The following AVEN variants were observed in gnomAD, a reference collection of about 807,000 sequenced individuals.
The protein encoded by AVEN is apoptosis and caspase activation inhibitor.
AVEN carries 41 observed loss-of-function variants against 38.1 expected under a neutral mutation model. The ratio of observed to expected loss-of-function variants is 1.08; its 90% CI spans 0.84 to 1.40. The LOEUF (loss-of-function observed/expected upper bound fraction) is 1.40. Ranked by LOEUF, AVEN falls within the 40% of genes most tolerant of loss-of-function variation. The pLI, the probability that AVEN is intolerant of heterozygous loss-of-function variation, is 0.00. For synonymous variants in AVEN, 206 were observed against 171.8 expected, an observed-to-expected ratio of 1.20 and a Z score of -1.56; for missense variants, 605 against 438.8, an observed-to-expected ratio of 1.38 and a Z score of -3.38.
intron 2 of AVEN, among the ~76,000 whole-genome samples, chr15:33,898,188 C>G (rs987869096): frequency 2.0e-5 from 3 of 152,062 alleles, no homozygotes; most frequent in Non-Finnish European, 4.4e-5. Context: ...GACTCCGTCT[C>G]AAAACAAAAC....
chr15:34,063,309 G>A lies in AVEN; in HGVS notation n.1250C>T. On this transcript the variant is annotated non_coding_transcript_exon_variant, in exon 5 of 12. Coordinates refer to the AVEN transcript ENST00000675287. The surrounding 1 kb of genome is among the most constrained non-coding windows in gnomAD (Gnocchi z 4.1). ...TGAGCCCACCATCACTTTTGGCACT[G>A]CCATTGCTGCCTTCTACATCCCTGT... 8.1e-6 allele frequency: 13 copies of A among 1,614,108 alleles called. No individual in the cohort carries two copies. Among genetic ancestry groups the A allele is most frequent in the Non-Finnish European group, 1.1e-5 (13 of 1,180,024 alleles).
At chr15:33,935,350 T>C (rs925762372) in intron 2 of AVEN, among the ~76,000 whole-genome samples, 4 of 152,178 alleles carry the variant, frequency 2.6e-5, no homozygotes, top group African/African-American at 7.2e-5. Context: ...ATTATTGCAA[T>C]AGTCCCAAAC....
intron 2 of AVEN, among the ~76,000 whole-genome samples, chr15:33,943,779 T>C (rs1033638948): frequency 7.8e-6 from 1 of 128,054 alleles, no homozygotes; most frequent in Non-Finnish European, 1.5e-5. Context: ...GACTTAAGAC[T>C]ACTACTGCAC....
chr15:33,963,992 T>C (rs1406423268), intron 2 of AVEN, among the ~76,000 whole-genome samples: 1 of 151,784 alleles, frequency 6.6e-6, no homozygotes, highest in Non-Finnish European at 1.5e-5. Flanking sequence ...ACTCCAGTCA[T>C]TAGGATCTAA....
intron 2 of AVEN, among the ~76,000 whole-genome samples, chr15:33,893,361 G>T (rs979665740): frequency 1.3e-5 from 2 of 152,054 alleles, no homozygotes; most frequent in Non-Finnish European, 2.9e-5. Flanking sequence ...TATCTCCACA[G>T]AAATTTTAAC....
intron 2 of AVEN, among the ~76,000 whole-genome samples, chr15:33,939,738 G>A (rs1894241411): frequency 6.6e-6 from 1 of 152,156 alleles, no homozygotes; most frequent in East Asian, 1.9e-4. Flanking sequence ...GAATGCTTGT[G>A]TTCCCCCAAA....
chr15:34,069,281 A>G (rs948984483), intron 2 of AVEN, among the ~76,000 whole-genome samples: 1 of 151,264 alleles, frequency 6.6e-6, no homozygotes, highest in African/African-American at 2.4e-5. Context: ...TTAGCCAGGC[A>G]TGGTGGTGCG....
downstream of AVEN, chr15:33,864,138 G>A (rs1889559844): frequency 1.2e-6 from 2 of 1,610,522 alleles, no homozygotes; most frequent in Non-Finnish European, 1.7e-6. Flanking sequence ...CTCGTTCCAG[G>A]TTCTTTCTGA....
At chr15:34,003,301 C>T in intron 1 of AVEN, 92 bp from the exon 2 acceptor site, 2 of 993,806 alleles carry the variant, frequency 2.0e-6, no homozygotes, top group East Asian at 2.5e-5. Context: ...ATGGACATAA[C>T]AATAAAAAGC....
At position 33,937,932 on chromosome 15, in the gene AVEN, CAA is replaced by C. The variant is rs55887919; in HGVS notation, c.446-61939_446-61938del. Among the ~76,000 whole-genome samples the C allele has an allele frequency of 5.4e-3, 540 of 100,506 alleles. 3 individuals carry two copies. Among genetic ancestry groups the C allele is most frequent in the South Asian group, 0.047 (126 of 2,676 alleles). 65.9% of individuals were successfully genotyped at this position (100,506 alleles called of 152,430 possible). On this transcript the variant is annotated intron_variant, in intron 2 of 5. Coordinates refer to ENST00000306730, the MANE Select transcript of AVEN (RefSeq NM_020371.3). Reference sequence around the variant, plus strand: ...GAACTAATACAAATCCCTACTTGACCAAAAAAAAAAAAAAAAAAAAAAAAAAG... The same window carrying C: ...GAACTAATACAAATCCCTACTTGACCAAAAAAAAAAAAAAAAAAAAAAAAG...
At chr15:33,983,144 G>A (rs979809368) in intron 2 of AVEN, among the ~76,000 whole-genome samples, 5 of 118,184 alleles carry the variant, frequency 4.2e-5, no homozygotes, top group African/African-American at 2.3e-4. Flanking sequence ...GTGTGTGTGT[G>A]TGTGTGTGTG....
In AVEN at chr15:33,866,696, T is replaced by G. The variant is rs746733516; in HGVS notation, c.1006A>C (p.Asn336His). Residue 336 changes from asparagine (N) to histidine (H), a missense_variant, in exon 6 of 6, where the codon AAC becomes CAC. Asn to His is a moderately conservative substitution (Grantham distance 68). Coordinates refer to ENST00000306730, the MANE Select transcript of AVEN (RefSeq NM_020371.3). ...GTACTTGGTTGCTCAGGTTCCATGTTTTTTTCTTCAGTCACAGATGGTTTT... is the reference window on the plus strand; with the variant it reads ...GTACTTGGTTGCTCAGGTTCCATGTGTTTTTCTTCAGTCACAGATGGTTTT... ...CAKPSVTEEK[N>H]MEPEQPSTSK... is the part of the protein sequence containing the mutation. 5.6e-6 allele frequency: 9 copies of G among 1,614,014 alleles called. No individual in the cohort carries two copies. The highest frequency in any genetic ancestry group is 6.8e-6 in the Non-Finnish European group (8 of 1,179,998).
intron 1 of AVEN, among the ~76,000 whole-genome samples, chr15:34,019,832 G>C (rs1223195912): frequency 6.6e-6 from 1 of 152,136 alleles, no homozygotes; most frequent in Non-Finnish European, 1.5e-5. Flanking sequence ...ACAATGACAA[G>C]TCACCTAACG....
intron 1 of AVEN, among the ~76,000 whole-genome samples, chr15:34,037,034 G>A (rs1031448677): frequency 4.6e-5 from 7 of 151,826 alleles, no homozygotes; most frequent in Non-Finnish European, 1.0e-4. Context: ...ACTTGAACCC[G>A]GGAGGCGGAG....
chr15:33,925,116 T>C (rs504301), intron 2 of AVEN, among the ~76,000 whole-genome samples: 105,334 of 152,062 alleles, frequency 0.69, 36,744 homozygotes, highest in East Asian at 0.76. Flanking sequence ...GGTGTTTACA[T>C]GTCTTCTGGC....
intron 1 of AVEN, among the ~76,000 whole-genome samples, chr15:34,032,289 C>G (rs1898890995): frequency 6.6e-6 from 1 of 152,102 alleles, no homozygotes; most frequent in African/African-American, 2.4e-5. Flanking sequence ...ACCTACGTAA[C>G]CTCTCTAGAG....
chr15:33,984,414 T>C (rs1183297393), intron 2 of AVEN, among the ~76,000 whole-genome samples: 1 of 152,044 alleles, frequency 6.6e-6, no homozygotes, highest in African/African-American at 2.4e-5. Flanking sequence ...AGGGTTTTTT[T>C]TTTTTGAGAC....
chr15:33,986,195 C>T (rs897814846), intron 2 of AVEN, among the ~76,000 whole-genome samples: 4 of 151,974 alleles, frequency 2.6e-5, no homozygotes, highest in African/African-American at 9.7e-5. Context: ...CAAGCTCTGC[C>T]TCCCGGGTTC....
chr15:34,064,067 C>A, intron 4 of AVEN: 1 of 1,614,188 alleles, frequency 6.2e-7, no homozygotes, highest in Non-Finnish European at 8.5e-7. Context: ...TTCTCCTGGC[C>A]TTCATCATCA....
Sources: allele counts gnomAD v4.1 joint callset (sites outside exome capture counted in the v4.1 genomes callset), GRCh38; gene constraint gnomAD v4.1.1; non-coding constraint Gnocchi (gnomAD v3.1); transcripts MANE v1.5; gene names NCBI Gene and HGNC (gene_info 2026-07-23, HGNC 2026-07-21).